SARDH: variants seen among roughly 807,000 people sequenced by gnomAD.
SARDH encodes the protein sarcosine dehydrogenase, mitochondrial.
In SARDH, 95 loss-of-function variants were observed where a neutral mutation model predicts 109.1. That is an observed-to-expected ratio of 0.87 (90% CI 0.74 to 1.03). The LOEUF (loss-of-function observed/expected upper bound fraction) is 1.03. Among genes scored for constraint, SARDH ranks in the 50% least tolerant of loss-of-function variants. The pLI is 0.00. For synonymous variants in SARDH, 572 were observed against 534.8 expected (o/e 1.07, Z -0.96); for missense variants, 1,267 against 1,287.8 (o/e 0.98, Z 0.25).
At chr9:133,683,771 C>G (rs1830782316) in intron 17 of SARDH, among the ~76,000 whole-genome samples, 1 of 152,242 alleles carries the variant, frequency 6.6e-6, no homozygotes. Flanking sequence ...CCAGGACCTC[C>G]AGTCCCTCTG....
intron 2 of SARDH, among the ~76,000 whole-genome samples, chr9:133,732,835 C>T (rs1386556340): frequency 6.6e-6 from 1 of 152,162 alleles, no homozygotes; most frequent in South Asian, 2.1e-4. Context: ...AGCAAAGGCC[C>T]CCATTTTTGG....
chr9:133,661,785 T>C (rs977570127), downstream of SARDH, among the ~76,000 whole-genome samples: 22 of 152,178 alleles, frequency 1.4e-4, no homozygotes, highest in Non-Finnish European at 1.9e-4. Flanking sequence ...CCGGCCAGTG[T>C]AGGCACTTTC....
Position 133,732,420 on chromosome 9 carries a change from C to T in SARDH, c.510+3G>A. The T allele has an allele frequency of 1.9e-6, 3 of 1,591,770 alleles. No individual in the cohort carries two copies. The highest frequency in any genetic ancestry group is 2.6e-6 in the Non-Finnish European group (3 of 1,165,724). ...TCCTTGCCCCCCGCAGGGGAGCACA[C>T]ACCGACATGAGCCTCTTGTACTCGT... On this transcript the variant is annotated splice_donor_region_variant and intron_variant, in intron 3 of 20. Coordinates refer to ENST00000439388, the MANE Select transcript of SARDH (RefSeq NM_001134707.2).
chr9:133,699,002 C>T (rs554677672), intron 13 of SARDH, among the ~76,000 whole-genome samples: 81 of 152,218 alleles, frequency 5.3e-4, no homozygotes, highest in African/African-American at 1.8e-3. Context: ...GTGCACATTA[C>T]AGATCTGATA....
In SARDH at chr9:133,731,335, G is replaced by A. The variant is rs367996908; in HGVS notation, c.660C>T (p.Leu220=). The change falls in exon 4 of 21, where the codon CTC becomes CTT. Residue 220 remains leucine, a synonymous_variant. Transcript: ENST00000439388. ...CTCCTCGGGCAGAAGCTGCCCTGGCGAGGGTGGTACAGGTGCCAGCGGGGT... is the reference window on the plus strand; with the variant it reads ...CTCCTCGGGCAGAAGCTGCCCTGGCAAGGGTGGTACAGGTGCCAGCGGGGT... ...TMDPAGTCTT[L]ARAASARGAQ... 7.4e-6 allele frequency: 12 copies of A among 1,614,094 alleles called. No homozygotes were observed. The highest frequency in any genetic ancestry group is 1.7e-5 in the Admixed American group (1 of 60,008).
chr9:133,719,059 G>T lies in SARDH; in HGVS notation c.916-17C>A, dbSNP rs1442402600. 1 of 1,609,760 alleles carries T rather than the reference G, an allele frequency of 6.2e-7. No homozygotes were observed. The highest frequency in any genetic ancestry group is 8.5e-7 in the Non-Finnish European group (1 of 1,176,268). The stretch of plus-strand genomic sequence containing the variant: ...GGGCATGTTCTGGAAGGCAGAGAGA[G>T]AGGCCTTGGCATCATCCAGAACTGG... On this transcript the variant is annotated splice_polypyrimidine_tract_variant and intron_variant, in intron 6 of 20. Coordinates refer to ENST00000439388, the MANE Select transcript of SARDH (RefSeq NM_001134707.2).
chr9:133,662,319 C>G (rs1564218884), downstream of SARDH, among the ~76,000 whole-genome samples: 1 of 152,158 alleles, frequency 6.6e-6, no homozygotes, highest in Non-Finnish European at 1.5e-5. The surrounding 1 kb of genome is among the most constrained non-coding windows in gnomAD (Gnocchi z 5.1). Flanking sequence ...CAGGGATGGG[C>G]CGTGAGATGA....
chr9:133,681,468 C>T (rs976015466), intron 17 of SARDH, among the ~76,000 whole-genome samples: 1 of 152,232 alleles, frequency 6.6e-6, no homozygotes, highest in Non-Finnish European at 1.5e-5. Flanking sequence ...TGCCTAGGAC[C>T]TCTTTCCAGT....
In SARDH at chr9:133,729,724, C is replaced by T. The variant is rs754656152; in HGVS notation, c.915+41G>A. 7.8e-6 allele frequency: 12 copies of T among 1,541,434 alleles called. No homozygotes were observed. The South Asian group carries it at 9.1e-5, about 12-fold the overall frequency. On this transcript the variant is annotated intron_variant, in intron 6 of 20. Coordinates refer to ENST00000439388, the MANE Select transcript of SARDH (RefSeq NM_001134707.2). ...TGGGATTCAGAGCCAGGTCTCTGTG[C>T]CCCCCACAGACTGACACAGAACCCG...
intron 18 of SARDH, among the ~76,000 whole-genome samples, chr9:133,671,110 C>G (rs997181487): frequency 6.6e-6 from 1 of 152,192 alleles, no homozygotes; most frequent in African/African-American, 2.4e-5. Flanking sequence ...GCCCAAAGCC[C>G]GCTCTGAGCC....
At chr9:133,722,193 A>T (rs1349292243) in intron 6 of SARDH, among the ~76,000 whole-genome samples, 1 of 152,248 alleles carries the variant, frequency 6.6e-6, no homozygotes, top group Non-Finnish European at 1.5e-5. Flanking sequence ...GGTATAATGT[A>T]TGAAAACCAA....
chr9:133,730,206 G>A lies in SARDH; in HGVS notation c.691-19C>T. ...CAATGACCTGGAATTGAGAGGAACT[G>A]CTTCTAAAATCCCACGGGACTCCCC... On this transcript the variant is annotated intron_variant, in intron 4 of 20. Transcript: ENST00000439388. 1 of 1,613,790 alleles carries A rather than the reference G, an allele frequency of 6.2e-7. No individual in the cohort carries two copies. The highest frequency in any genetic ancestry group is 1.1e-5 in the South Asian group (1 of 91,064).
At chr9:133,680,241 A>G (rs129895) in intron 17 of SARDH, among the ~76,000 whole-genome samples, 71,762 of 152,096 alleles carry the variant, frequency 0.47, 19,108 homozygotes, top group African/African-American at 0.74. Context: ...GACCCGCAGA[A>G]GGACCGGGCA....
At chr9:133,690,651 A>C in intron 15 of SARDH, 124 bp from the exon 16 acceptor site, 2 of 1,108,176 alleles carry the variant, frequency 1.8e-6, no homozygotes, top group Non-Finnish European at 2.6e-6. Context: ...GTGCCTTCAC[A>C]GTGCCCAGGA....
downstream of SARDH, among the ~76,000 whole-genome samples, chr9:133,660,924 C>T (rs577192938): frequency 6.6e-5 from 10 of 152,314 alleles, no homozygotes; most frequent in South Asian, 8.3e-4. Flanking sequence ...GATACAAGGT[C>T]GGGTGCTGTG....
intron 16 of SARDH, among the ~76,000 whole-genome samples, chr9:133,688,649 C>T (rs556288848): frequency 5.9e-5 from 9 of 152,352 alleles, no homozygotes; most frequent in African/African-American, 2.2e-4. Context: ...CCTCTGAGCC[C>T]GGCTCCTGGC....
intron 8 of SARDH, among the ~76,000 whole-genome samples, chr9:133,715,706 C>G (rs1832095344): frequency 6.6e-6 from 1 of 152,146 alleles, no homozygotes; most frequent in Non-Finnish European, 1.5e-5. Context: ...TCCCTGGGCT[C>G]CCCGCTTTGT....
chr9:133,733,954 C>T lies in SARDH; in HGVS notation c.220G>A (p.Gly74Arg), dbSNP rs766710628. Residue 74 changes from glycine to arginine, a missense_variant, in exon 2 of 21, where the codon GGA becomes AGA. Gly to Arg is a moderately radical substitution (Grantham distance 125). Coordinates refer to ENST00000439388, the MANE Select transcript of SARDH (RefSeq NM_001134707.2). ...AGGGTCTGGCAGCCCAAGCTGCCTC[C>T]ACCAATGACCACCACGTTGGCCGTG... ...PSTANVVVIG[G>R]GSLGCQTLYH... 3 of 1,607,232 alleles carry T rather than the reference C, an allele frequency of 1.9e-6. No homozygotes were observed. The highest frequency in any genetic ancestry group is 2.5e-6 in the Non-Finnish European group (3 of 1,176,728).
rs917280087 is a variant in SARDH, at chr9:133,732,324, C to A, written c.510+99G>T. The A allele has an allele frequency of 9.8e-6, 10 of 1,021,712 alleles. No individual in the cohort carries two copies. The African/African-American group carries it at 1.5e-4, about 15-fold the overall frequency. 63.3% of individuals were successfully genotyped at this position (1,021,712 alleles called of 1,614,324 possible). Reference sequence around the variant, plus strand: ...CCTCCACCCTCACAGGGAGCCCACCCTACCCCCCCACAGGGGGTGCACCCA... The same window carrying A: ...CCTCCACCCTCACAGGGAGCCCACCATACCCCCCCACAGGGGGTGCACCCA... On this transcript the variant is annotated intron_variant, in intron 3 of 20. Transcript: ENST00000439388.
Sources: gnomAD v4.1 joint callset for allele counts (sites outside exome capture counted in the v4.1 genomes callset) on GRCh38, gnomAD v4.1.1 for gene constraint, Gnocchi (gnomAD v3.1) non-coding constraint, MANE v1.5 for transcripts, NCBI Gene and HGNC (gene_info 2026-07-23, HGNC 2026-07-21) for gene names.